POLR3B: variants seen among roughly 807,000 people sequenced by gnomAD.
The protein encoded by POLR3B is RNA polymerase III subunit B, also known as DNA-directed RNA polymerase III subunit RPC2.
POLR3B carries 96 observed loss-of-function variants against 147.4 expected under a neutral mutation model. The ratio of observed to expected loss-of-function variants is 0.65; its 90% CI spans 0.55 to 0.77. The LOEUF (loss-of-function observed/expected upper bound fraction) is 0.77. Ranked by LOEUF, POLR3B falls within the 30% of genes least tolerant of loss-of-function variation. POLR3B has a pLI of 0.00. For missense variants in POLR3B, 1,036 were observed against 1,413.5 expected (o/e 0.73, Z 4.28); for synonymous variants, 461 against 485.9 (o/e 0.95, Z 0.67).
At position 106,372,727 on chromosome 12, in the gene POLR3B, G is replaced by A. The variant is rs139646080; in HGVS notation, c.404+3044G>A. 1.9e-3 allele frequency among the ~76,000 whole-genome samples: 291 copies of A among 152,170 alleles called. 4 individuals carry two copies. The highest frequency in any genetic ancestry group is 0.012 in the South Asian group (59 of 4,822). ...ATTATTTTTTCCCTCCTGATATACG[G>A]GATGTGGCTTAGCTTACCTGTGTCA... On this transcript the variant is annotated intron_variant, in intron 6 of 27. Transcript: ENST00000228347.
At position 106,384,584 on chromosome 12, in the gene POLR3B, C is replaced by T. The variant is rs996224168; in HGVS notation, c.723+4445C>T. 6.6e-5 allele frequency among the ~76,000 whole-genome samples: 10 copies of T among 152,078 alleles called. No individual in the cohort carries two copies. The East Asian group carries it at 1.4e-3, about 21-fold the overall frequency. On this transcript the variant is annotated intron_variant, in intron 9 of 27. Transcript: ENST00000228347. ...CTTGTTTCAGCCCTCATGCTGTAATCGAGTGTCTGTTTTGCAGTCTATTTA... is the reference window on the plus strand; with the variant it reads ...CTTGTTTCAGCCCTCATGCTGTAATTGAGTGTCTGTTTTGCAGTCTATTTA...
At chr12:106,468,307 T>C (rs1373260681) in intron 23 of POLR3B, among the ~76,000 whole-genome samples, 2 of 152,182 alleles carry the variant, frequency 1.3e-5, no homozygotes, top group East Asian at 3.8e-4. Flanking sequence ...GTCCCCTTTA[T>C]CATTTTTTAT....
intron 22 of POLR3B, among the ~76,000 whole-genome samples, chr12:106,462,695 G>A (rs1045500873): frequency 6.6e-6 from 1 of 152,160 alleles, no homozygotes; most frequent in Non-Finnish European, 1.5e-5. Context: ...TGCACACTAA[G>A]CCCTATGTTT....
chr12:106,444,682 A>G, intron 19 of POLR3B, 92 bp downstream of exon 19: 2 of 1,384,672 alleles, frequency 1.4e-6, no homozygotes, highest in Non-Finnish European at 2.0e-6. Context: ...CCAGTATTAT[A>G]TGTTCCCAAC....
At chr12:106,474,282 G>A (rs946673681) in intron 23 of POLR3B, among the ~76,000 whole-genome samples, 4 of 134,218 alleles carry the variant, frequency 3.0e-5, no homozygotes, top group African/African-American at 8.5e-5. Context: ...TTTTATTGAG[G>A]ATTTTTGCAT....
At position 106,430,422 on chromosome 12, in the gene POLR3B, C is replaced by T. The variant is rs2037492817; in HGVS notation, c.1413C>T (p.Leu471=). The T allele has an allele frequency of 1.2e-6, 2 of 1,613,478 alleles. No individual in the cohort carries two copies. Residue 471 remains leucine, a synonymous_variant, in exon 14 of 28, where the codon CTC becomes CTT. Transcript: ENST00000228347. ...GAAAAGTGAGTGGTCCTCGCTCCCT[C>T]CAGCCATCTCAGTGGGGAATGCTGT... ...KTRKVSGPRS[L]QPSQWGMLCP...
At chr12:106,440,857 A>G (rs1274941215) in intron 18 of POLR3B, among the ~76,000 whole-genome samples, 3 of 151,590 alleles carry the variant, frequency 2.0e-5, no homozygotes, top group Non-Finnish European at 2.9e-5. Context: ...CTGGTTTTTC[A>G]TTGATGTAAA....
chr12:106,506,034 C>T (rs1003301561), intron 27 of POLR3B, among the ~76,000 whole-genome samples: 2 of 152,112 alleles, frequency 1.3e-5, no homozygotes, highest in Non-Finnish European at 2.9e-5. Flanking sequence ...TGGCCATTTG[C>T]GGTTCATCTT....
At chr12:106,433,030 C>CGGAGAGA (rs2037530095) in intron 15 of POLR3B, among the ~76,000 whole-genome samples, 1 of 152,194 alleles carries the variant, frequency 6.6e-6, no homozygotes, top group Non-Finnish European at 1.5e-5. Context: ...TGTGCCTGTT[C>CGGAGAGA]TCTCCCTAGT....
rs780550289 is a variant in POLR3B at position 106,430,493 on chromosome 12, T to C, written c.1464+20T>C. The C allele has an allele frequency of 6.3e-6, 10 of 1,598,990 alleles. No homozygotes were observed. The highest frequency in any genetic ancestry group is 1.1e-5 in the South Asian group (1 of 90,730). ...GGAGAGGTAAGGAATCTGAGGAGTC[T>C]TGATGCTGTGTAAGAGGCGATACCT... On this transcript the variant is annotated intron_variant, in intron 14 of 27. Transcript: ENST00000228347.
intron 10 of POLR3B, among the ~76,000 whole-genome samples, chr12:106,397,172 T>C (rs1180621312): frequency 6.6e-6 from 1 of 150,958 alleles, no homozygotes; most frequent in Non-Finnish European, 1.5e-5. Flanking sequence ...AAGAACCACA[T>C]ATGCCTCTTC....
At chr12:106,465,964 T>C (rs1394533066) in intron 23 of POLR3B, among the ~76,000 whole-genome samples, 1 of 151,910 alleles carries the variant, frequency 6.6e-6, no homozygotes, top group Non-Finnish European at 1.5e-5. Flanking sequence ...TTGTAATCCT[T>C]TGGGTATATG....
At chr12:106,392,974 A>G (rs2036930478) in intron 9 of POLR3B, 57 bp from the exon 10 acceptor site, 1 of 1,608,798 alleles carries the variant, frequency 6.2e-7, no homozygotes, top group African/African-American at 1.3e-5. Flanking sequence ...AGCATAAGCA[A>G]ATGTCAGTGA....
At position 106,496,834 on chromosome 12, in the gene POLR3B, G is replaced by A. The variant is rs1025207617; in HGVS notation, c.2900G>A (p.Ser967Asn). Residue 967 changes from serine (S) to asparagine (N), a missense_variant, in exon 25 of 28, where the codon AGT becomes AAT. This residue lies in a region of POLR3B where 88 missense variants were observed against 87.5 expected (regional missense o/e 1.01). Transcript: ENST00000228347. The stretch of plus-strand genomic sequence containing the variant: ...CACTACGGCACTGCGTTTGGAGGCA[G>A]TAAAGTGAAGGATGTGTGTGAGGAC... The part of the protein sequence containing the change: ...RFHYGTAFGG[S>N]KVKDVCEDLV... 1.2e-6 allele frequency: 2 copies of A among 1,614,182 alleles called. No homozygotes were observed. Among genetic ancestry groups the A allele is most frequent in the Middle Eastern group, 1.6e-4 (1 of 6,062 alleles).
chr12:106,448,786 C>A (rs2037759935), intron 19 of POLR3B, among the ~76,000 whole-genome samples: 1 of 151,662 alleles, frequency 6.6e-6, no homozygotes, highest in South Asian at 2.1e-4. Flanking sequence ...ATAATACATA[C>A]TTTTTTTTGT....
intron 1 of POLR3B, among the ~76,000 whole-genome samples, chr12:106,359,400 C>T (rs1281927958): frequency 6.9e-6 from 1 of 145,522 alleles, no homozygotes; most frequent in Admixed American, 7.1e-5. Flanking sequence ...GGTGTAATCT[C>T]GGCTGACTGC....
intron 19 of POLR3B, among the ~76,000 whole-genome samples, chr12:106,450,070 A>G (rs1322644128): frequency 1.3e-5 from 2 of 152,216 alleles, no homozygotes; most frequent in Non-Finnish European, 2.9e-5. Flanking sequence ...TGGCATCAAG[A>G]GTCCAGAAAT....
chr12:106,422,154 C>T (rs1055150272), intron 12 of POLR3B, among the ~76,000 whole-genome samples: 1 of 152,152 alleles, frequency 6.6e-6, no homozygotes, highest in Non-Finnish European at 1.5e-5. Context: ...GACGTGGGGC[C>T]TGGTGGGAGG....
chr12:106,463,017 G>A (rs1049496914), intron 22 of POLR3B, among the ~76,000 whole-genome samples: 1 of 152,010 alleles, frequency 6.6e-6, no homozygotes, highest in Admixed American at 6.6e-5. Flanking sequence ...TTATGTGTCC[G>A]AAGGCTACCA....
Sources: allele counts gnomAD v4.1 joint callset (sites outside exome capture counted in the v4.1 genomes callset), GRCh38; gene constraint gnomAD v4.1.1; regional missense constraint gnomAD v4.1.1; transcripts MANE v1.5; gene names NCBI Gene and HGNC (gene_info 2026-07-23, HGNC 2026-07-21).